Variants in STARD3 observed in about 807,000 individuals in gnomAD.
The protein encoded by STARD3 is StAR related lipid transfer domain containing 3.
A neutral mutation model predicts 62.0 loss-of-function variants in STARD3; 39 were observed. The observed-to-expected ratio is 0.63, with a 90% CI of 0.49 to 0.82. STARD3 has a LOEUF of 0.82. STARD3 is among the 40% of genes least tolerant of loss of function. The pLI, the probability that STARD3 is intolerant of heterozygous loss-of-function variation, is 0.00. For missense variants in STARD3, 543 were observed against 584.5 expected, an observed-to-expected ratio of 0.93 and a Z score of 0.73; for synonymous variants, 229 against 242.4, an observed-to-expected ratio of 0.94 and a Z score of 0.51.
rs1183467355 is a variant in STARD3 at position 39,662,248 on chromosome 17, T to A, written c.1140-3T>A. 1 of 1,613,220 alleles carries A rather than the reference T, an allele frequency of 6.2e-7. No individual in the cohort carries two copies. Among genetic ancestry groups the A allele is most frequent in the East Asian group, 2.2e-5 (1 of 44,880 alleles). ...GTCCCCCCAATGATGCCTCTTTCCA[T>A]AGGGGAGAGAATGGCCCTGGGGGCT... On this transcript the variant is annotated splice_region_variant and splice_polypyrimidine_tract_variant and intron_variant, in intron 13 of 14. Transcript: ENST00000336308.
At chr17:39,650,728 C>T (rs181671548) in intron 1 of STARD3, among the ~76,000 whole-genome samples, 3 of 152,224 alleles carry the variant, frequency 2.0e-5, no homozygotes, top group East Asian at 3.9e-4. Flanking sequence ...GCAGGAGGAT[C>T]GCTTGAGCTT....
At chr17:39,648,148 G>C (rs553829758) in intron 1 of STARD3, among the ~76,000 whole-genome samples, 13 of 152,144 alleles carry the variant, frequency 8.5e-5, no homozygotes, top group Non-Finnish European at 1.9e-4. Context: ...AGCCAGGCGT[G>C]GTGGTGGGCG....
At chr17:39,646,469 TC>T (rs1440943779) in intron 1 of STARD3, among the ~76,000 whole-genome samples, 2 of 152,058 alleles carry the variant, frequency 1.3e-5, no homozygotes, top group African/African-American at 4.8e-5. Flanking sequence ...CCCAGACTGT[TC>T]TTGAACTCCT....
chr17:39,659,547 G>A lies in STARD3; in HGVS notation c.789G>A (p.Lys263=), dbSNP rs763404447. Residue 263 remains lysine, a synonymous_variant, in exon 9 of 15, where the codon AAG becomes AAA. Transcript: ENST00000336308. ...AGGAAGAGAACTGGAAGTTTGAGAA[G>A]AATAATGTAAGAAGCCCTCTCCCAC... ...LAQEENWKFE[K]NNEYGDTVYT... The A allele has an allele frequency of 6.2e-7, 1 of 1,614,138 alleles. No homozygotes were observed. Among genetic ancestry groups the A allele is most frequent in the South Asian group, 1.1e-5 (1 of 91,088 alleles).
chr17:39,649,773 G>A (rs552541785), intron 1 of STARD3, among the ~76,000 whole-genome samples: 1 of 151,152 alleles, frequency 6.6e-6, no homozygotes, highest in South Asian at 2.1e-4. Context: ...GGCTGAGGCA[G>A]GAGAATCGCT....
In STARD3 at chr17:39,653,522, GCCC is replaced by G; in HGVS notation, c.-9_-7del. The G allele has an allele frequency of 6.2e-7, 1 of 1,601,018 alleles. No homozygotes were observed. Among genetic ancestry groups the G allele is most frequent in the South Asian group, 1.1e-5 (1 of 91,044 alleles). On this transcript the variant is annotated 5_prime_UTR_variant, in exon 2 of 15. Coordinates refer to ENST00000336308, the MANE Select transcript of STARD3 (RefSeq NM_006804.4). ...GCGCCCTCCCCGCCCTGAGGTGGGG[GCCC>G]ACCAGGATGAGCAAGCTGCCCAGGG...
At chr17:39,644,991 G>T (rs534280670) in intron 1 of STARD3, among the ~76,000 whole-genome samples, 4 of 152,336 alleles carry the variant, frequency 2.6e-5, no homozygotes, top group African/African-American at 9.6e-5. Flanking sequence ...CGAAGGGCTA[G>T]CAAGGAACCC....
chr17:39,657,194 C>T (rs528336410), intron 3 of STARD3, 109 bp downstream of exon 3: 13 of 1,096,604 alleles, frequency 1.2e-5, no homozygotes, highest in African/African-American at 1.1e-4. Context: ...ATCAGAGACT[C>T]GGCTCCCATC....
chr17:39,653,518 G>A lies in STARD3; in HGVS notation c.-14G>A, dbSNP rs942252114. ...GGCCGCGCCCTCCCCGCCCTGAGGT[G>A]GGGGCCCACCAGGATGAGCAAGCTG... On this transcript the variant is annotated 5_prime_UTR_variant, in exon 2 of 15. Coordinates refer to ENST00000336308, the MANE Select transcript of STARD3 (RefSeq NM_006804.4). 6.2e-7 allele frequency: 1 copy of A among 1,600,652 alleles called. No individual in the cohort carries two copies. The highest frequency in any genetic ancestry group is 1.7e-5 in the Admixed American group (1 of 59,964).
At chr17:39,658,323 C>A in intron 5 of STARD3, 82 bp from the exon 6 acceptor site, 1 of 1,319,418 alleles carries the variant, frequency 7.6e-7, no homozygotes, top group Non-Finnish European at 1.1e-6. Flanking sequence ...GCCAGTTTGG[C>A]TGGCTAGAGT....
intron 1 of STARD3, among the ~76,000 whole-genome samples, chr17:39,642,862 C>G (rs1393830841): frequency 6.6e-6 from 1 of 151,998 alleles, no homozygotes; most frequent in Admixed American, 6.6e-5. Context: ...GGTGCAAGGG[C>G]CCTGGGGTAG....
At chr17:39,658,856 A>C in intron 7 of STARD3, 36 bp downstream of exon 7, 1 of 1,608,464 alleles carries the variant, frequency 6.2e-7, no homozygotes, top group Non-Finnish European at 8.5e-7. Flanking sequence ...GCTTTCAGGG[A>C]GGGGCCTTGT....
intron 1 of STARD3, among the ~76,000 whole-genome samples, chr17:39,650,219 T>C (rs1440275353): frequency 6.6e-6 from 1 of 152,174 alleles, no homozygotes; most frequent in African/African-American, 2.4e-5. Context: ...CCATTATGAC[T>C]GGTGTCCGTA....
At chr17:39,646,841 T>C (rs1449109301) in intron 1 of STARD3, among the ~76,000 whole-genome samples, 2 of 152,056 alleles carry the variant, frequency 1.3e-5, no homozygotes, top group Non-Finnish European at 2.9e-5. Context: ...TCATGAATAA[T>C]CCGCTGTTCC....
At chr17:39,655,186 T>G (rs2057115457) in intron 2 of STARD3, among the ~76,000 whole-genome samples, 1 of 152,202 alleles carries the variant, frequency 6.6e-6, no homozygotes, top group South Asian at 2.1e-4. Flanking sequence ...TAATTTTACT[T>G]TCGTTTTGTT....
intron 1 of STARD3, among the ~76,000 whole-genome samples, chr17:39,649,865 CAAA>C (rs10713558): frequency 1.9e-4 from 16 of 84,960 alleles, no homozygotes; most frequent in Admixed American, 2.6e-4. Context: ...GACTCCGTCT[CAAA>C]AAAAAAAAAA....
chr17:39,653,871 A>C (rs2057101760), intron 2 of STARD3, 121 bp downstream of exon 2: 13 of 1,077,448 alleles, frequency 1.2e-5, no homozygotes, highest in Non-Finnish European at 1.8e-5. Flanking sequence ...TAAAATGAAG[A>C]CTGGGAGGAA....
intron 1 of STARD3, among the ~76,000 whole-genome samples, chr17:39,641,084 G>A (rs1354753827): frequency 6.6e-6 from 1 of 152,210 alleles, no homozygotes; most frequent in African/African-American, 2.4e-5. Context: ...TCCTAGCCAG[G>A]CGCAGTGGTG....
chr17:39,662,540 C>G (rs763023545), intron 14 of STARD3, 196 bp downstream of exon 14: 60 of 644,292 alleles, frequency 9.3e-5, no homozygotes, highest in Middle Eastern at 4.1e-4. Flanking sequence ...ATGTGCCCCC[C>G]CTTCTTACCT....
Sources: allele counts gnomAD v4.1 joint callset (sites outside exome capture counted in the v4.1 genomes callset), GRCh38; gene constraint gnomAD v4.1.1; transcripts MANE v1.5; gene names NCBI Gene and HGNC (gene_info 2026-07-23, HGNC 2026-07-21).